CTNNA3: variants seen among roughly 807,000 people sequenced by gnomAD.
CTNNA3 encodes the protein catenin alpha-3.
CTNNA3 carries 76 observed loss-of-function variants against 95.7 expected under a neutral mutation model. The observed-to-expected ratio is 0.79, with a 90% CI of 0.66 to 0.96. The LOEUF (loss-of-function observed/expected upper bound fraction) is 0.96, where lower values mean the gene tolerates loss of function less well. Ranked by LOEUF, CTNNA3 falls within the 40% of genes least tolerant of loss-of-function variation. CTNNA3 has a pLI of 0.00. For synonymous variants in CTNNA3, 431 were observed against 374.4 expected (o/e 1.15, Z -1.74); for missense variants, 1,191 against 1,089.8 (o/e 1.09, Z -1.31).
chr10:66,074,663 G>A (rs2080513761), intron 14 of CTNNA3, among the ~76,000 whole-genome samples: 2 of 151,564 alleles, frequency 1.3e-5, no homozygotes, highest in Non-Finnish European at 3.0e-5. Flanking sequence ...AAAATTTTTA[G>A]AACATGTTGT....
intron 10 of CTNNA3, among the ~76,000 whole-genome samples, chr10:66,619,425 G>A (rs9664009): frequency 5.1e-3 from 502 of 98,998 alleles, no homozygotes; most frequent in South Asian, 8.5e-3. Context: ...CGTGGATGAA[G>A]CTGGAAACCA....
At chr10:67,738,129 G>A (rs1841313411) in intron 1 of CTNNA3, among the ~76,000 whole-genome samples, 1 of 152,156 alleles carries the variant, frequency 6.6e-6, no homozygotes, top group Non-Finnish European at 1.5e-5. Context: ...AGAGTGACCT[G>A]ACTGTTAAAA....
chr10:66,039,514 G>T (rs2079637963), intron 15 of CTNNA3, among the ~76,000 whole-genome samples: 1 of 152,100 alleles, frequency 6.6e-6, no homozygotes, highest in South Asian at 2.1e-4. Flanking sequence ...GCATGGTAAT[G>T]GTACAAAACA....
intron 7 of CTNNA3, among the ~76,000 whole-genome samples, chr10:67,038,487 AG>A (rs1232420700): frequency 6.6e-6 from 1 of 152,130 alleles, no homozygotes; most frequent in Non-Finnish European, 1.5e-5. Flanking sequence ...GCTCAGGAAA[AG>A]GACAACTCAT....
intron 15 of CTNNA3, among the ~76,000 whole-genome samples, chr10:66,052,059 T>C (rs1003227067): frequency 6.6e-6 from 1 of 152,132 alleles, no homozygotes; most frequent in African/African-American, 2.4e-5. Flanking sequence ...ATGAATGCTA[T>C]ATTGATGGGA....
intron 7 of CTNNA3, among the ~76,000 whole-genome samples, chr10:66,950,374 C>A (rs959901547): frequency 2.0e-5 from 3 of 151,428 alleles, no homozygotes; most frequent in African/African-American, 7.3e-5. Context: ...TTTTTTGTAT[C>A]CTAAACATGC....
intron 7 of CTNNA3, among the ~76,000 whole-genome samples, chr10:66,950,113 T>G (rs1180938787): frequency 6.6e-6 from 1 of 152,202 alleles, no homozygotes; most frequent in East Asian, 1.9e-4. Flanking sequence ...ATCTCTAATT[T>G]GCTCAAATTA....
At chr10:67,404,549 G>A (rs543411373) in intron 5 of CTNNA3, among the ~76,000 whole-genome samples, 4 of 152,154 alleles carry the variant, frequency 2.6e-5, no homozygotes, top group Non-Finnish European at 4.4e-5. Flanking sequence ...CAAGAAATAT[G>A]GGATTATGTA....
chr10:66,137,906 T>C (rs144899451), intron 13 of CTNNA3, among the ~76,000 whole-genome samples: 2 of 152,160 alleles, frequency 1.3e-5, no homozygotes, highest in East Asian at 3.9e-4. Context: ...GCCAAGATTA[T>C]GTCATTGTAC....
In CTNNA3 at chr10:66,058,929, C is replaced by T. The variant is rs549372241; in HGVS notation, c.2159+10379G>A. 5.9e-5 allele frequency among the ~76,000 whole-genome samples: 9 copies of T among 152,182 alleles called. No homozygotes were observed. In the South Asian group the frequency reaches 1.0e-3, roughly 18 times the overall value. On this transcript the variant is annotated intron_variant, in intron 15 of 17. Transcript: ENST00000433211. ...AACTTTTTAGAAAGTTGTCTTCTTCCCATGTTTATTATACATATGGTTAGA... is the reference window on the plus strand; with the variant it reads ...AACTTTTTAGAAAGTTGTCTTCTTCTCATGTTTATTATACATATGGTTAGA...
chr10:67,747,971 T>C (rs924736539), intron 1 of CTNNA3, among the ~76,000 whole-genome samples: 1 of 152,182 alleles, frequency 6.6e-6, no homozygotes, highest in Non-Finnish European at 1.5e-5. Flanking sequence ...CAAGTATCGA[T>C]AGCTGAATCA....
chr10:66,422,545 T>A (rs1464129866), intron 11 of CTNNA3, among the ~76,000 whole-genome samples: 2 of 152,244 alleles, frequency 1.3e-5, no homozygotes, highest in African/African-American at 4.8e-5. Flanking sequence ...GCTATTTTTT[T>A]TTCAAAACAA....
chr10:67,697,298 C>T (rs1279131394), upstream of CTNNA3, among the ~76,000 whole-genome samples: 1 of 152,186 alleles, frequency 6.6e-6, no homozygotes, highest in Non-Finnish European at 1.5e-5. Context: ...GGAATAGCAT[C>T]TTTTCACAGT....
At chr10:66,482,731 T>C (rs955363238) in intron 11 of CTNNA3, among the ~76,000 whole-genome samples, 1 of 152,130 alleles carries the variant, frequency 6.6e-6, no homozygotes, top group African/African-American at 2.4e-5. Flanking sequence ...ACAGGCCTAG[T>C]TTGTTTTGTT....
chr10:65,956,156 A>G (rs2077725589), intron 17 of CTNNA3, among the ~76,000 whole-genome samples: 1 of 151,952 alleles, frequency 6.6e-6, no homozygotes, highest in African/African-American at 2.4e-5. Flanking sequence ...TTTCTTCTAG[A>G]TTGTCTAGTT....
intron 9 of CTNNA3, among the ~76,000 whole-genome samples, chr10:66,701,629 C>T (rs992711940): frequency 1.3e-5 from 2 of 152,092 alleles, no homozygotes; most frequent in Admixed American, 1.3e-4. Context: ...TTTACTATTT[C>T]AACTAATTTC....
intron 13 of CTNNA3, among the ~76,000 whole-genome samples, chr10:66,125,339 G>T (rs181033816): frequency 2.6e-5 from 4 of 151,930 alleles, no homozygotes; most frequent in South Asian, 4.2e-4. Flanking sequence ...TTGAGGGGAG[G>T]AATTGAGAAT....
At chr10:67,387,223 G>A (rs983736070) in intron 5 of CTNNA3, among the ~76,000 whole-genome samples, 2 of 152,200 alleles carry the variant, frequency 1.3e-5, no homozygotes, top group African/African-American at 4.8e-5. Flanking sequence ...AGCCGAAGCA[G>A]GGTGAGGCAT....
chr10:67,182,449 A>C (rs1395852375), intron 6 of CTNNA3, among the ~76,000 whole-genome samples: 1 of 152,148 alleles, frequency 6.6e-6, no homozygotes, highest in Admixed American at 6.6e-5. Context: ...AGGATTCCCT[A>C]TTTAATAAAT....
Sources: gnomAD v4.1 joint callset for allele counts (sites outside exome capture counted in the v4.1 genomes callset) on GRCh38, gnomAD v4.1.1 for gene constraint, MANE v1.5 for transcripts, NCBI Gene and HGNC (gene_info 2026-07-23, HGNC 2026-07-21) for gene names.